Variants in CACNA1C observed in about 807,000 individuals in gnomAD.
CACNA1C encodes the protein calcium voltage-gated channel subunit alpha1 C.
Under a neutral mutation model 229.0 loss-of-function variants are expected in CACNA1C, and 30 were observed. The observed-to-expected ratio is 0.13, with a 90% CI of 0.10 to 0.18. The LOEUF (loss-of-function observed/expected upper bound fraction) is 0.18. CACNA1C is among the 10% of genes least tolerant of loss of function. The probability of loss-of-function intolerance (pLI) is 1.00; values close to 1 mark genes in which losing one functional copy is unlikely to be tolerated. For missense variants in CACNA1C, 1,658 were observed against 2,845.0 expected (o/e 0.58, Z 9.49); for synonymous variants, 1,114 against 1,132.5 (o/e 0.98, Z 0.33).
intron 3 of CACNA1C, among the ~76,000 whole-genome samples, chr12:2,356,551 C>T (rs2097368948): frequency 6.6e-6 from 1 of 152,244 alleles, no homozygotes; most frequent in South Asian, 2.1e-4. Flanking sequence ...GCTGTGGGAG[C>T]AGAGCCTGTC....
intron 3 of CACNA1C, among the ~76,000 whole-genome samples, chr12:2,276,317 A>G (rs1263775025): frequency 6.6e-6 from 1 of 152,170 alleles, no homozygotes; most frequent in African/African-American, 2.4e-5. Flanking sequence ...CATGTGCTGG[A>G]ATTTGAGGGA....
chr12:2,065,193 A>G (rs1238403375), intron 1 of CACNA1C, among the ~76,000 whole-genome samples: 1 of 152,174 alleles, frequency 6.6e-6, no homozygotes, highest in Non-Finnish European at 1.5e-5. Flanking sequence ...CTATACATCC[A>G]AGTGGATTTC....
At chr12:2,315,089 G>A (rs73605736) in intron 3 of CACNA1C, among the ~76,000 whole-genome samples, 1 of 152,096 alleles carries the variant, frequency 6.6e-6, no homozygotes, top group African/African-American at 2.4e-5. Flanking sequence ...CTCTTTTGAC[G>A]GACATGAGAG....
At chr12:2,313,651 G>A (rs1393375792) in intron 3 of CACNA1C, among the ~76,000 whole-genome samples, 3 of 152,176 alleles carry the variant, frequency 2.0e-5, no homozygotes, top group South Asian at 4.1e-4. Context: ...CTTAAAAGCA[G>A]TGGAGCCCTT....
At chr12:2,102,748 G>A (rs930558909) in intron 1 of CACNA1C, among the ~76,000 whole-genome samples, 6 of 152,014 alleles carry the variant, frequency 3.9e-5, no homozygotes, top group South Asian at 2.1e-4. Context: ...CGTACTCCCC[G>A]AAAGGCCCTG....
chr12:2,555,592 TAAC>T (rs2043698269), intron 10 of CACNA1C, among the ~76,000 whole-genome samples: 2 of 152,184 alleles, frequency 1.3e-5, no homozygotes, highest in Admixed American at 1.3e-4. Flanking sequence ...TGGCTGTAAA[TAAC>T]AATGCTGCCC....
chr12:2,107,048 T>C lies in CACNA1C; in HGVS notation c.50-8176T>C, dbSNP rs536716906. On this transcript the variant is annotated intron_variant, in intron 1 of 46. Coordinates refer to ENST00000399655, the MANE Select transcript of CACNA1C (RefSeq NM_000719.7). ...GGGAGGTTTTCCACCTCAGCTGGGGTGTCCTGAAACCACTGGGTGCTCACC... is the reference window on the plus strand; with the variant it reads ...GGGAGGTTTTCCACCTCAGCTGGGGCGTCCTGAAACCACTGGGTGCTCACC... Among the ~76,000 whole-genome samples the C allele has an allele frequency of 1.1e-4, 9 of 79,334 alleles. 1 individual carries two copies. In the East Asian group the frequency reaches 1.6e-3, roughly 14 times the overall value. 52.0% of individuals were successfully genotyped at this position (79,334 alleles called of 152,430 possible). A position where few individuals can be genotyped will look rare whatever the true frequency, so the allele number is the denominator to read the frequency against.
rs2099766973 is a variant in CACNA1C at position 2,504,343 on chromosome 12, C to T, written c.1114-499C>T. ...GAACAAAGCCCACGTTCAGCCCCGT[C>T]TGTCCCCTCCCAATCTGCTCACACC... On this transcript the variant is annotated intron_variant, in intron 7 of 46. Coordinates refer to ENST00000399655, the MANE Select transcript of CACNA1C (RefSeq NM_000719.7). The surrounding 1 kb of genome is among the most constrained non-coding windows in gnomAD (Gnocchi z 6.8). The T allele has an allele frequency of 1.4e-6, 1 of 739,232 alleles. No individual in the cohort carries two copies. Among genetic ancestry groups the T allele is most frequent in the Admixed American group, 1.9e-5 (1 of 52,180 alleles). The allele number at this position is 739,232 out of a possible 1,614,324, so 45.8% of individuals were successfully genotyped here. A position where few individuals can be genotyped will look rare whatever the true frequency, so the allele number is the denominator to read the frequency against.
At chr12:2,154,722 G>A (rs999004973) in intron 3 of CACNA1C, among the ~76,000 whole-genome samples, 23 of 152,206 alleles carry the variant, frequency 1.5e-4, no homozygotes, top group African/African-American at 3.4e-4. Flanking sequence ...TGCTGCCTAC[G>A]CTGCCTCCTT....
chr12:2,034,686 TA>T lies in CACNA1C; in HGVS notation c.139+63487del, dbSNP rs1293035830. Among the ~76,000 whole-genome samples the T allele has an allele frequency of 6.6e-6, 1 of 152,218 alleles. No homozygotes were observed. ...GCTAACTGGCTCATCTAGTGTGATT[TA>T]AGCTCGTAGTTTCCCATTCATGTAT... On this transcript the variant is annotated intron_variant, in intron 1 of 46. Coordinates refer to the CACNA1C transcript ENST00000682462. This position sits in a 1 kb window ranked among gnomAD's most constrained non-coding sequence, Gnocchi z 4.1.
At chr12:2,459,251 A>C (rs1278098336) in intron 5 of CACNA1C, among the ~76,000 whole-genome samples, 1 of 145,552 alleles carries the variant, frequency 6.9e-6, no homozygotes, top group East Asian at 2.0e-4. Context: ...TCCTGACCTC[A>C]TGATCTGCCT....
At chr12:2,270,072 C>T (rs2084178879) in intron 3 of CACNA1C, 1 of 152,252 alleles carries the variant, frequency 6.6e-6, no homozygotes, top group Non-Finnish European at 1.5e-5. Flanking sequence ...AAGCAGTCCC[C>T]ATGCACCAAG....
chr12:2,171,030 G>A (rs1284796196), intron 3 of CACNA1C, among the ~76,000 whole-genome samples: 1 of 152,238 alleles, frequency 6.6e-6, no homozygotes, highest in East Asian at 1.9e-4. Flanking sequence ...AGAGCCTGTG[G>A]TTCCTTTACC....
chr12:2,580,651 C>A (rs759032503), intron 13 of CACNA1C, among the ~76,000 whole-genome samples: 2 of 152,208 alleles, frequency 1.3e-5, no homozygotes, highest in Non-Finnish European at 2.9e-5. Flanking sequence ...CCCCCTCCCA[C>A]TTTGTCATGA....
intron 11 of CACNA1C, 33 bp downstream of exon 11, chr12:2,557,010 C>A: frequency 6.3e-7 from 1 of 1,595,580 alleles, no homozygotes; most frequent in Non-Finnish European, 8.6e-7. Context: ...TTCCTTCCTT[C>A]TGCCACCAGC....
chr12:2,362,064 C>T (rs1348739795), intron 3 of CACNA1C, among the ~76,000 whole-genome samples: 1 of 152,214 alleles, frequency 6.6e-6, no homozygotes, highest in Non-Finnish European at 1.5e-5. Flanking sequence ...TATTAGGTGT[C>T]TTGTTTAGTA....
chr12:2,360,534 A>C (rs768042327), intron 3 of CACNA1C, among the ~76,000 whole-genome samples: 1 of 152,228 alleles, frequency 6.6e-6, no homozygotes, highest in African/African-American at 2.4e-5. Flanking sequence ...CTGAAGTCTT[A>C]GGTCACAGTT....
chr12:1,997,870 T>C (rs2302098), intron 1 of CACNA1C: 400,690 of 1,298,636 alleles, frequency 0.31, 63,713 homozygotes, highest in East Asian at 0.53. Flanking sequence ...TGAAGAAGAG[T>C]GACACAACGG....
chr12:2,314,050 C>T (rs898747850), intron 3 of CACNA1C, among the ~76,000 whole-genome samples: 5 of 152,174 alleles, frequency 3.3e-5, no homozygotes, highest in African/African-American at 1.2e-4. Context: ...TTTCCTCTGT[C>T]TTATCCTCCC....
Sources: allele counts gnomAD v4.1 joint callset (sites outside exome capture counted in the v4.1 genomes callset), GRCh38; gene constraint gnomAD v4.1.1; non-coding constraint Gnocchi (gnomAD v3.1); transcripts MANE v1.5; gene names NCBI Gene and HGNC (gene_info 2026-07-23, HGNC 2026-07-21).